The following CADM1 variants were observed in gnomAD, a reference collection of about 807,000 sequenced individuals.
CADM1 encodes cell adhesion molecule 1.
CADM1 carries 15 observed loss-of-function variants against 53.1 expected under a neutral mutation model. That is an observed-to-expected ratio of 0.28 (90% CI 0.19 to 0.44). The LOEUF (loss-of-function observed/expected upper bound fraction) is 0.44. CADM1 is among the 20% of genes least tolerant of loss of function. CADM1 has a pLI of 1.00. For missense variants in CADM1, 434 were observed against 611.3 expected (o/e 0.71, Z 3.06); for synonymous variants, 281 against 243.0 (o/e 1.16, Z -1.45).
intron 1 of CADM1, among the ~76,000 whole-genome samples, chr11:115,424,041 T>A (rs1947826397): frequency 6.6e-6 from 1 of 152,232 alleles, no homozygotes; most frequent in African/African-American, 2.4e-5. Context: ...AGGGGATGGT[T>A]CCCCTTATTC....
chr11:115,497,975 CAAAAAAAAA>C, intron 1 of CADM1, among the ~76,000 whole-genome samples: 1 of 72,386 alleles, frequency 1.4e-5, no homozygotes, highest in South Asian at 5.2e-4. Flanking sequence ...GAAAGAGCCT[CAAAAAAAAA>C]AAAAAAAACC....
At chr11:115,468,319 A>G (rs1213221674) in intron 1 of CADM1, among the ~76,000 whole-genome samples, 1 of 152,188 alleles carries the variant, frequency 6.6e-6, no homozygotes, top group Non-Finnish European at 1.5e-5. Flanking sequence ...ATGAGATGAG[A>G]CGGGTGCACT....
At chr11:115,448,602 A>C (rs2135342947) in intron 1 of CADM1, among the ~76,000 whole-genome samples, 1 of 151,784 alleles carries the variant, frequency 6.6e-6, no homozygotes, top group South Asian at 2.1e-4. Context: ...TATTTTGAAA[A>C]ATTATAGAAA....
intron 1 of CADM1, among the ~76,000 whole-genome samples, chr11:115,286,668 T>C (rs926280623): frequency 4.6e-5 from 7 of 152,202 alleles, no homozygotes; most frequent in East Asian, 1.9e-4. Flanking sequence ...GGGTAAAACA[T>C]ACATTCTGGT....
At chr11:115,451,696 A>G (rs1948575694) in intron 1 of CADM1, among the ~76,000 whole-genome samples, 1 of 152,212 alleles carries the variant, frequency 6.6e-6, no homozygotes, top group Non-Finnish European at 1.5e-5. Context: ...TGAAGTAGAG[A>G]CACCATGACC....
chr11:115,225,314 G>GT (rs1555044180), intron 5 of CADM1, among the ~76,000 whole-genome samples: 1 of 65,396 alleles, frequency 1.5e-5, no homozygotes, highest in African/African-American at 3.4e-5. Flanking sequence ...TAATAAAAAA[G>GT]GGGGGGGGAC....
At chr11:115,229,851 T>C (rs1328083855) in intron 4 of CADM1, among the ~76,000 whole-genome samples, 5 of 152,212 alleles carry the variant, frequency 3.3e-5, no homozygotes, top group Non-Finnish European at 7.3e-5. Context: ...GTTTAAACTC[T>C]GAGACTTTTG....
In CADM1 at chr11:115,245,145, T is replaced by C. The variant is rs190687642; in HGVS notation, c.125-4725A>G. Among the ~76,000 whole-genome samples, 3 of 152,296 alleles carry C rather than the reference T, an allele frequency of 2.0e-5. No individual in the cohort carries two copies. The East Asian group carries it at 5.8e-4, about 29-fold the overall frequency. On this transcript the variant is annotated intron_variant, in intron 1 of 11. Transcript: ENST00000331581. ...AGCGACTCTTCACAGGGAAGACAGT[T>C]TGCCCAGAGAAAGGGCAAATACAGT...
intron 1 of CADM1, among the ~76,000 whole-genome samples, chr11:115,465,429 T>C (rs193250960): frequency 1.4e-4 from 21 of 152,244 alleles, no homozygotes; most frequent in Non-Finnish European, 2.2e-4. Context: ...AAATAAGATG[T>C]CTAGTTAATG....
At chr11:115,446,685 A>G (rs1395491409) in intron 1 of CADM1, among the ~76,000 whole-genome samples, 1 of 152,160 alleles carries the variant, frequency 6.6e-6, no homozygotes, top group African/African-American at 2.4e-5. Flanking sequence ...GTATGAATCT[A>G]TTACTCAAAA....
intron 1 of CADM1, among the ~76,000 whole-genome samples, chr11:115,417,729 G>A (rs528457348): frequency 2.7e-4 from 41 of 152,226 alleles, no homozygotes; most frequent in African/African-American, 3.9e-4. Context: ...TCAGAACAGC[G>A]AGCCATTTAA....
At chr11:115,271,512 G>A (rs1007837915) in intron 1 of CADM1, among the ~76,000 whole-genome samples, 4 of 152,136 alleles carry the variant, frequency 2.6e-5, no homozygotes, top group South Asian at 2.1e-4. Flanking sequence ...TCGATCTCCC[G>A]ACCTTGTGAT....
chr11:115,282,319 G>T (rs1231762180), intron 1 of CADM1, among the ~76,000 whole-genome samples: 1 of 152,134 alleles, frequency 6.6e-6, no homozygotes, highest in Non-Finnish European at 1.5e-5. Flanking sequence ...AAACCCAGCT[G>T]CATCTACCCT....
intron 1 of CADM1, among the ~76,000 whole-genome samples, chr11:115,319,236 T>C (rs1010670468): frequency 5.3e-5 from 8 of 152,130 alleles, no homozygotes; most frequent in Admixed American, 4.6e-4. Context: ...AGAGGAAGTG[T>C]TGCGTGGGTT....
At chr11:115,307,181 G>T (rs1294297810) in intron 1 of CADM1, among the ~76,000 whole-genome samples, 1 of 151,882 alleles carries the variant, frequency 6.6e-6, no homozygotes, top group Non-Finnish European at 1.5e-5. Context: ...TTTCCACATT[G>T]CAGAGATAGT....
intron 1 of CADM1, among the ~76,000 whole-genome samples, chr11:115,339,582 C>T (rs997591155): frequency 5.9e-5 from 9 of 152,150 alleles, no homozygotes; most frequent in African/African-American, 1.9e-4. Context: ...GCCACCCCTA[C>T]CTTCTGCCTC....
At chr11:115,269,734 G>A (rs1014698552) in intron 1 of CADM1, among the ~76,000 whole-genome samples, 18 of 152,286 alleles carry the variant, frequency 1.2e-4, no homozygotes, top group African/African-American at 4.3e-4. Context: ...TACCCATCAA[G>A]TCATGTGACT....
At position 115,398,261 on chromosome 11, in the gene CADM1, A is replaced by G. The variant is rs577610055; in HGVS notation, c.124+106010T>C. Among the ~76,000 whole-genome samples, 7 of 152,354 alleles carry G rather than the reference A, an allele frequency of 4.6e-5. No individual in the cohort carries two copies. In the South Asian group the frequency reaches 1.4e-3, roughly 32 times the overall value. On this transcript the variant is annotated intron_variant, in intron 1 of 11. Transcript: ENST00000331581. ...ATATAAAAGGCTTTTAAAATAATTT[A>G]AAATGATTCACTGGAACTAATTTGG... is the stretch of plus-strand genomic sequence containing the variant.
intron 8 of CADM1, among the ~76,000 whole-genome samples, chr11:115,205,306 G>A (rs573987796): frequency 1.3e-5 from 2 of 152,296 alleles, no homozygotes; most frequent in Admixed American, 6.5e-5. Context: ...GCTTTCCTGA[G>A]ATGATTACAG....
Sources: gnomAD v4.1 joint callset for allele counts (sites outside exome capture counted in the v4.1 genomes callset) on GRCh38, gnomAD v4.1.1 for gene constraint, MANE v1.5 for transcripts, NCBI Gene and HGNC (gene_info 2026-07-23, HGNC 2026-07-21) for gene names.